SLC22A23: variants seen among roughly 807,000 people sequenced by gnomAD.
SLC22A23 encodes ion transporter protein.
SLC22A23 carries 26 observed loss-of-function variants against 61.0 expected under a neutral mutation model. The observed-to-expected ratio is 0.43, with a 90% CI of 0.31 to 0.59. SLC22A23 has a LOEUF of 0.59. SLC22A23 is among the 20% of genes least tolerant of loss of function. SLC22A23 has a pLI of 0.11. For missense variants in SLC22A23, 796 were observed against 934.7 expected (o/e 0.85, Z 1.94); for synonymous variants, 430 against 413.9 (o/e 1.04, Z -0.47).
At position 3,286,844 on chromosome 6, in the gene SLC22A23, C is replaced by T; in HGVS notation, c.1546+15G>A. 6.4e-7 allele frequency: 1 copy of T among 1,573,844 alleles called. No individual in the cohort carries two copies. Among genetic ancestry groups the T allele is most frequent in the Non-Finnish European group, 8.6e-7 (1 of 1,159,988 alleles). On this transcript the variant is annotated intron_variant, in intron 7 of 9. Coordinates refer to ENST00000406686, the MANE Select transcript of SLC22A23 (RefSeq NM_015482.2). This position sits in a 1 kb window ranked among gnomAD's most constrained non-coding sequence, Gnocchi z 4.2. ...TTCCCTCCCTGCACCCAGCCCACCT[C>T]CCCGACCCACTCACGGTTGAGGAGG...
chr6:3,361,030 G>T (rs890021722), intron 3 of SLC22A23, among the ~76,000 whole-genome samples: 1 of 151,026 alleles, frequency 6.6e-6, no homozygotes, highest in African/African-American at 2.4e-5. Flanking sequence ...TTATATTCCT[G>T]TTGTTTGTAT....
chr6:3,277,762 AATTCCCACCCTTGTG>A (rs1381090653), intron 9 of SLC22A23, among the ~76,000 whole-genome samples: 2 of 152,216 alleles, frequency 1.3e-5, no homozygotes, highest in Non-Finnish European at 2.9e-5. Context: ...TGGCCCCAGT[AATTCCCACCCTTGTG>A]CCTTGAGTGT....
intron 3 of SLC22A23, among the ~76,000 whole-genome samples, chr6:3,398,617 A>C (rs963619214): frequency 6.6e-6 from 1 of 152,044 alleles, no homozygotes; most frequent in Non-Finnish European, 1.5e-5. Flanking sequence ...ACCTGGGAAC[A>C]CTGCCCTGAA....
chr6:3,389,606 G>A (rs1025707274), intron 3 of SLC22A23, among the ~76,000 whole-genome samples: 8 of 152,098 alleles, frequency 5.3e-5, no homozygotes, highest in Non-Finnish European at 1.0e-4. Context: ...CTTACTGCCC[G>A]GCCTCACCAC....
intron 3 of SLC22A23, among the ~76,000 whole-genome samples, chr6:3,338,040 C>A (rs533710400): frequency 6.6e-6 from 1 of 152,162 alleles, no homozygotes; most frequent in South Asian, 2.1e-4. Context: ...CCACTGGGGA[C>A]ACTACCGACT....
intron 3 of SLC22A23, among the ~76,000 whole-genome samples, chr6:3,368,862 C>T (rs1251638505): frequency 6.6e-6 from 1 of 152,116 alleles, no homozygotes; most frequent in Admixed American, 6.5e-5. Flanking sequence ...GTTCGTTATG[C>T]AGCTTGTTTA....
At chr6:3,353,288 G>C (rs924262855) in intron 3 of SLC22A23, among the ~76,000 whole-genome samples, 17 of 152,208 alleles carry the variant, frequency 1.1e-4, no homozygotes, top group African/African-American at 3.4e-4. Context: ...AACAAAAAAA[G>C]GGAAACTCCG....
intron 3 of SLC22A23, among the ~76,000 whole-genome samples, chr6:3,365,677 C>T (rs529207697): frequency 3.9e-5 from 6 of 152,098 alleles, no homozygotes; most frequent in Non-Finnish European, 7.4e-5. Flanking sequence ...CCAGGAGAAT[C>T]CTACTAAAAA....
At chr6:3,424,501 T>G (rs1770351623) in intron 1 of SLC22A23, among the ~76,000 whole-genome samples, 2 of 152,188 alleles carry the variant, frequency 1.3e-5, no homozygotes, top group African/African-American at 4.8e-5. Context: ...ATGAAAATGC[T>G]TCTCTATTTC....
At chr6:3,409,181 G>T (rs143359415) in intron 3 of SLC22A23, among the ~76,000 whole-genome samples, 4 of 152,344 alleles carry the variant, frequency 2.6e-5, no homozygotes, top group African/African-American at 9.6e-5. Context: ...AACTGGAAAA[G>T]GTGATTTCTA....
At chr6:3,323,256 C>T (rs1456002437) in intron 4 of SLC22A23, 4 of 456,332 alleles carry the variant, frequency 8.8e-6, no homozygotes, top group Non-Finnish European at 1.8e-5. Context: ...CAGCTTTATA[C>T]CATACCAACC....
At chr6:3,280,553 T>A (rs1181594870) in intron 9 of SLC22A23, among the ~76,000 whole-genome samples, 2 of 143,394 alleles carry the variant, frequency 1.4e-5, no homozygotes, top group African/African-American at 5.4e-5. Context: ...TGGAGTGCAG[T>A]GGCGCGATCT....
At chr6:3,348,582 G>C (rs9405193) in intron 3 of SLC22A23, among the ~76,000 whole-genome samples, 3 of 152,050 alleles carry the variant, frequency 2.0e-5, no homozygotes, top group Non-Finnish European at 4.4e-5. Context: ...GCACTTACTA[G>C]CCTGGCAATC....
Position 3,273,193 on chromosome 6 carries a change from C to T in SLC22A23, c.1923G>A (p.Leu641=). The T allele has an allele frequency of 2.5e-6, 4 of 1,613,148 alleles. No individual in the cohort carries two copies. The highest frequency in any genetic ancestry group is 3.4e-6 in the Non-Finnish European group (4 of 1,179,772). Residue 641 remains leucine (L), a synonymous_variant, in exon 10 of 10, where the codon CTG becomes CTA. Transcript: ENST00000406686. ...GCTGCTCCCCCTTCTTGTGCGGCAGCAGCGGCTGGCGCGTGTAGTGCTCCC... is the reference window on the plus strand; with the variant it reads ...GCTGCTCCCCCTTCTTGTGCGGCAGTAGCGGCTGGCGCGTGTAGTGCTCCC... The part of the protein sequence containing the change: ...SNGEHYTRQP[L]LPHKKGEQPL...
chr6:3,348,607 C>T (rs534531410), intron 3 of SLC22A23, among the ~76,000 whole-genome samples: 1 of 152,308 alleles, frequency 6.6e-6, no homozygotes, highest in South Asian at 2.1e-4. Context: ...GAGCATCCAC[C>T]ACATTCCCGG....
At chr6:3,437,707 T>C (rs1271131718) in intron 1 of SLC22A23, among the ~76,000 whole-genome samples, 1 of 147,976 alleles carries the variant, frequency 6.8e-6, no homozygotes, top group Admixed American at 6.7e-5. Flanking sequence ...AATAAATAAA[T>C]AATAATAATT....
chr6:3,406,499 G>A (rs1443349589), intron 3 of SLC22A23, among the ~76,000 whole-genome samples: 4 of 151,498 alleles, frequency 2.6e-5, no homozygotes, highest in African/African-American at 4.9e-5. Flanking sequence ...CGTGCCCCTC[G>A]CCTTGCTAAG....
rs970088224 is a variant in SLC22A23, at chr6:3,322,673, G to T, written c.1082+1161C>A. ...CAAGAACCAGGCTCTCGGGGAAACCGCACCTGCACCCTCGCAGTACATCTA... is the reference window on the plus strand; with the variant it reads ...CAAGAACCAGGCTCTCGGGGAAACCTCACCTGCACCCTCGCAGTACATCTA... On this transcript the variant is annotated intron_variant, in intron 4 of 9. Transcript: ENST00000406686. The surrounding 1 kb of genome is among the most constrained non-coding windows in gnomAD (Gnocchi z 4.1). 2.0e-5 allele frequency among the ~76,000 whole-genome samples: 3 copies of T among 152,170 alleles called. No homozygotes were observed. The highest frequency in any genetic ancestry group is 7.2e-5 in the African/African-American group (3 of 41,426).
intron 3 of SLC22A23, among the ~76,000 whole-genome samples, chr6:3,385,440 T>C (rs1767237692): frequency 6.6e-6 from 1 of 152,098 alleles, no homozygotes; most frequent in Non-Finnish European, 1.5e-5. Flanking sequence ...TCCTTGAGTC[T>C]GGGAGGCAGA....
Sources: gnomAD v4.1 joint callset for allele counts (sites outside exome capture counted in the v4.1 genomes callset) on GRCh38, gnomAD v4.1.1 for gene constraint, Gnocchi (gnomAD v3.1) non-coding constraint, MANE v1.5 for transcripts, NCBI Gene and HGNC (gene_info 2026-07-23, HGNC 2026-07-21) for gene names.